ICE1: variants seen among roughly 807,000 people sequenced by gnomAD.
ICE1 encodes interactor of little elongation complex ELL subunit 1.
In ICE1, 64 loss-of-function variants were observed where a neutral mutation model predicts 192.7. The ratio of observed to expected loss-of-function variants is 0.33; its 90% CI spans 0.27 to 0.41. The LOEUF (loss-of-function observed/expected upper bound fraction) is 0.41, where lower values mean the gene tolerates loss of function less well. Among genes scored for constraint, ICE1 ranks in the 10% least tolerant of loss-of-function variants. The probability of loss-of-function intolerance (pLI) is 1.00; values close to 1 mark genes in which losing one functional copy is unlikely to be tolerated. For missense variants in ICE1, 2,708 were observed against 2,696.0 expected (o/e 1.00, Z -0.10); for synonymous variants, 1,010 against 984.5 (o/e 1.03, Z -0.49).
rs1373218403 is a variant in ICE1 at position 5,441,150 on chromosome 5, T to G, written c.236T>G (p.Leu79Arg). 1.3e-6 allele frequency: 2 copies of G among 1,563,200 alleles called. No individual in the cohort carries two copies. Among genetic ancestry groups the G allele is most frequent in the East Asian group, 2.4e-5 (1 of 42,398 alleles). Residue 79 changes from leucine to arginine, a missense_variant, in exon 5 of 19, where the codon CTT (leucine) becomes CGT (arginine). Leu to Arg is a moderately radical substitution (Grantham distance 102, BLOSUM62 -2). Around this residue, in one of 2 missense-constraint regions of ICE1, gnomAD observed 2,366 missense variants for 2,276.6 expected, o/e 1.04. Coordinates refer to ENST00000296564, the MANE Select transcript of ICE1 (RefSeq NM_015325.3). ...CTGCATCACCAAGTGGAAGAGATGC[T>G]TCAAAAAATTTCTCCTCTACAGAAA... ...SNLHHQVEEM[L>R]QKISPLQKCQ...
At chr5:5,482,800 A>ACACACACACG (rs1561101395) in intron 17 of ICE1, among the ~76,000 whole-genome samples, 7 of 151,446 alleles carry the variant, frequency 4.6e-5, no homozygotes, top group Non-Finnish European at 4.4e-5. Flanking sequence ...ACACACACAC[A>ACACACACACG]CACACACACA....
rs1738891783 is a variant in ICE1 at position 5,464,018 on chromosome 5, G to T, written c.4684G>T (p.Asp1562Tyr). 6.2e-6 allele frequency: 10 copies of T among 1,613,586 alleles called. No individual in the cohort carries two copies. Among genetic ancestry groups the T allele is most frequent in the Non-Finnish European group, 8.5e-6 (10 of 1,179,812 alleles). Reference sequence around the variant, plus strand: ...GAATCGATCAAAGATTTCAAACAAAGATCAGTCAAACAAACCAGTAAAAAC... The same window carrying T: ...GAATCGATCAAAGATTTCAAACAAATATCAGTCAAACAAACCAGTAAAAAC... ...NKNRSKISNK[D>Y]QSNKPVKTSA... Residue 1562 changes from aspartate (D) to tyrosine (Y), a missense_variant, in exon 13 of 19, where the codon GAT (aspartate) becomes TAT (tyrosine). Transcript: ENST00000296564. The surrounding 1 kb of genome is among the most constrained non-coding windows in gnomAD (Gnocchi z 4.0).
At chr5:5,436,545 T>G in intron 2 of ICE1, 69 bp downstream of exon 2, 1 of 867,376 alleles carries the variant, frequency 1.2e-6, no homozygotes. Flanking sequence ...CAGGCGGTGC[T>G]TTTAGGCCCC....
chr5:5,460,937 C>T lies in ICE1; in HGVS notation c.1603C>T (p.Leu535Phe). 2 of 1,614,006 alleles carry T rather than the reference C, an allele frequency of 1.2e-6. No homozygotes were observed. Among genetic ancestry groups the T allele is most frequent in the Non-Finnish European group, 8.5e-7 (1 of 1,179,900 alleles). ...PGKSELCSSPLGKRPLNELME... is the reference protein window; with the variant it reads ...PGKSELCSSPFGKRPLNELME... Reference sequence around the variant, plus strand: ...GAAGTCTGAGTTGTGTTCTTCTCCCCTTGGCAAAAGGCCATTAAATGAACT... The same window carrying T: ...GAAGTCTGAGTTGTGTTCTTCTCCCTTTGGCAAAAGGCCATTAAATGAACT... The change falls in exon 13 of 19, where the codon CTT becomes TTT. Residue 535 changes from leucine (L) to phenylalanine (F), a missense_variant. Around this residue, in one of 2 missense-constraint regions of ICE1, gnomAD observed 2,366 missense variants for 2,276.6 expected, o/e 1.04. Coordinates refer to ENST00000296564, the MANE Select transcript of ICE1 (RefSeq NM_015325.3).
At chr5:5,470,303 G>T (rs996740617) in intron 15 of ICE1, among the ~76,000 whole-genome samples, 2 of 152,172 alleles carry the variant, frequency 1.3e-5, no homozygotes, top group Non-Finnish European at 2.9e-5. Flanking sequence ...CCCGCCTTCA[G>T]AATGTTATCT....
chr5:5,472,610 A>G (rs1441929844), intron 15 of ICE1, among the ~76,000 whole-genome samples: 1 of 152,160 alleles, frequency 6.6e-6, no homozygotes, highest in African/African-American at 2.4e-5. Flanking sequence ...ATTTTGAACC[A>G]TGATTTGGCT....
In ICE1 at chr5:5,468,781, A is replaced by C. The variant is rs1739068744; in HGVS notation, c.6062-47A>C. 2.6e-6 allele frequency: 3 copies of C among 1,155,724 alleles called. No individual in the cohort carries two copies. In the East Asian group the frequency reaches 8.9e-5, roughly 34 times the overall value. The allele number at this position is 1,155,724 out of a possible 1,614,324, so 71.6% of individuals were successfully genotyped here. ...TTTGTTCTTAATTTGCAATTTATTT[A>C]CTCGATCATACATCAAAGAGTTATT... On this transcript the variant is annotated intron_variant, in intron 14 of 18. Transcript: ENST00000296564.
rs1197200113 is a variant in ICE1, at chr5:5,489,464, C to T, written c.*134C>T. The T allele has an allele frequency of 2.3e-5, 18 of 769,132 alleles. No homozygotes were observed. Among genetic ancestry groups the T allele is most frequent in the Non-Finnish European group, 3.2e-5 (16 of 507,220 alleles). The allele number at this position is 769,132 out of a possible 1,614,324, so 47.6% of individuals were successfully genotyped here. ...TAGATAAAACAGACCAGAGGCTCTC[C>T]TTATTGTTTGGCAAGGAGACAGGAG... On this transcript the variant is annotated 3_prime_UTR_variant, in exon 19 of 19. Coordinates refer to ENST00000296564, the MANE Select transcript of ICE1 (RefSeq NM_015325.3).
At chr5:5,423,952 C>T (rs1440609189) in intron 1 of ICE1, among the ~76,000 whole-genome samples, 5 of 152,150 alleles carry the variant, frequency 3.3e-5, no homozygotes, top group African/African-American at 7.2e-5. Context: ...TTGGTCTTGT[C>T]TCTTAGCTAG....
chr5:5,489,271 T>G lies in ICE1; in HGVS notation c.6742T>G (p.Ser2248Ala), dbSNP rs772117485. ...GAGAGAGGCCTCCAAAAGCGTTCCGTCTGCGATTGTCAGCTGCCTAGAGGA... is the reference window on the plus strand; with the variant it reads ...GAGAGAGGCCTCCAAAAGCGTTCCGGCTGCGATTGTCAGCTGCCTAGAGGA... ...WRREASKSVP[S>A]AIVSCLEEVS... Residue 2248 changes from serine (S) to alanine (A), a missense_variant, in exon 19 of 19, where the codon TCT (serine) becomes GCT (alanine). Ser to Ala is a moderately conservative substitution (Grantham distance 99). Transcript: ENST00000296564. 1 of 1,613,740 alleles carries G rather than the reference T, an allele frequency of 6.2e-7. No individual in the cohort carries two copies. The highest frequency in any genetic ancestry group is 1.7e-5 in the Admixed American group (1 of 59,994).
chr5:5,473,131 A>G (rs1243990965), intron 15 of ICE1, among the ~76,000 whole-genome samples: 6 of 152,244 alleles, frequency 3.9e-5, no homozygotes, highest in Admixed American at 2.0e-4. Flanking sequence ...ATAAGAATTC[A>G]TTACTGTCTG....
chr5:5,446,754 A>G (rs1373561663), intron 7 of ICE1, among the ~76,000 whole-genome samples: 3 of 152,184 alleles, frequency 2.0e-5, no homozygotes, highest in Non-Finnish European at 2.9e-5. Flanking sequence ...AAAAATATCC[A>G]AACTTGTTAG....
rs1738531792 is a variant in ICE1 at position 5,454,544 on chromosome 5, T to C, written c.605-8T>C. On this transcript the variant is annotated splice_polypyrimidine_tract_variant and splice_region_variant and intron_variant, in intron 10 of 18. Transcript: ENST00000296564. ...GACGTGACTTTAATGCTTTGCTCTG[T>C]TTCACAGGAAAAGTGAAACTGCTTC... is the stretch of plus-strand genomic sequence containing the variant. 1 of 1,609,566 alleles carries C rather than the reference T, an allele frequency of 6.2e-7. No individual in the cohort carries two copies. Among genetic ancestry groups the C allele is most frequent in the South Asian group, 1.1e-5 (1 of 90,792 alleles).
In ICE1 at chr5:5,462,316, C is replaced by G. The variant is rs779815250; in HGVS notation, c.2982C>G (p.Ser994=). 6.2e-7 allele frequency: 1 copy of G among 1,613,912 alleles called. No individual in the cohort carries two copies. The highest frequency in any genetic ancestry group is 1.3e-5 in the African/African-American group (1 of 75,052). ...AGCCTCAGGCCACAGATCTGGACTC[C>G]AGTGGGACACATGGCAGTGAGATGC... The part of the protein sequence containing the change: ...QRQPQATDLD[S]SGTHGSEMLP... The change falls in exon 13 of 19, where the codon TCC becomes TCG. Residue 994 remains serine (S), a synonymous_variant. Coordinates refer to ENST00000296564, the MANE Select transcript of ICE1 (RefSeq NM_015325.3).
rs551801883 is a variant in ICE1 at position 5,484,642 on chromosome 5, A to G, written c.6521-2079A>G. On this transcript the variant is annotated intron_variant, in intron 17 of 18. Coordinates refer to ENST00000296564, the MANE Select transcript of ICE1 (RefSeq NM_015325.3). ...TCCTGATATTCTTTGATCAGTAATTATGTACTGAGCATCTGCTGTGTATCT... is the reference window on the plus strand; with the variant it reads ...TCCTGATATTCTTTGATCAGTAATTGTGTACTGAGCATCTGCTGTGTATCT... 7.9e-5 allele frequency among the ~76,000 whole-genome samples: 12 copies of G among 152,338 alleles called. No homozygotes were observed. In the South Asian group the frequency reaches 2.3e-3, roughly 29 times the overall value.
At chr5:5,438,492 C>T (rs1026562346) in intron 3 of ICE1, among the ~76,000 whole-genome samples, 1 of 152,218 alleles carries the variant, frequency 6.6e-6, no homozygotes, top group Non-Finnish European at 1.5e-5. Flanking sequence ...TTAAAACCAT[C>T]AGTCCATTTA....
chr5:5,451,825 T>C (rs1190086560), intron 10 of ICE1, among the ~76,000 whole-genome samples: 1 of 152,148 alleles, frequency 6.6e-6, no homozygotes, highest in African/African-American at 2.4e-5. Context: ...TTTATTCTCT[T>C]AGGCTAGCAT....
At chr5:5,483,630 A>C (rs986557123) in intron 17 of ICE1, among the ~76,000 whole-genome samples, 11 of 152,218 alleles carry the variant, frequency 7.2e-5, no homozygotes, top group Non-Finnish European at 1.5e-4. Context: ...TCCAGTGGAA[A>C]GGTAGCAAAG....
chr5:5,487,718 C>A (rs1217708050), intron 18 of ICE1, among the ~76,000 whole-genome samples: 1 of 152,138 alleles, frequency 6.6e-6, no homozygotes, highest in Non-Finnish European at 1.5e-5. Flanking sequence ...GTTGTTTTGC[C>A]AGCAGATGCA....
Sources: gnomAD v4.1 joint callset for allele counts (sites outside exome capture counted in the v4.1 genomes callset) on GRCh38, gnomAD v4.1.1 for gene constraint, gnomAD v4.1.1 regional missense constraint, Gnocchi (gnomAD v3.1) non-coding constraint, MANE v1.5 for transcripts, NCBI Gene and HGNC (gene_info 2026-07-23, HGNC 2026-07-21) for gene names.